The following SLC39A11 variants were observed in gnomAD, a reference collection of about 807,000 sequenced individuals.
SLC39A11 encodes solute carrier family 39 member 11.
SLC39A11 carries 33 observed loss-of-function variants against 36.1 expected under a neutral mutation model. The observed-to-expected ratio is 0.91, with a 90% CI of 0.69 to 1.22. The LOEUF is 1.22. SLC39A11 is among the 50% of genes most tolerant of loss of function. The pLI is 0.00. For missense variants in SLC39A11, 432 were observed against 430.3 expected (o/e 1.00, Z -0.03); for synonymous variants, 166 against 170.3 (o/e 0.97, Z 0.20).
rs948417696 is a variant in SLC39A11, at chr17:73,069,962, T to A, written c.147+14846A>T. ...AAATATCTTTGGGAACAATCTCTAC[T>A]CCTACCATCTGTCTGGATTCAATGA... On this transcript the variant is annotated intron_variant, in intron 3 of 9. Coordinates refer to ENST00000255559, the MANE Select transcript of SLC39A11 (RefSeq NM_139177.4). Among the ~76,000 whole-genome samples, 7 of 152,320 alleles carry A rather than the reference T, an allele frequency of 4.6e-5. No homozygotes were observed. The East Asian group carries it at 1.2e-3, about 25-fold the overall frequency.
intron 5 of SLC39A11, among the ~76,000 whole-genome samples, chr17:72,930,046 A>G (rs575178836): frequency 6.6e-6 from 1 of 152,338 alleles, no homozygotes; most frequent in East Asian, 1.9e-4. Context: ...GACTTTTAAA[A>G]TACAGTTTCT....
At chr17:72,649,666 G>C (rs995136144) in intron 7 of SLC39A11, among the ~76,000 whole-genome samples, 1 of 144,316 alleles carries the variant, frequency 6.9e-6, no homozygotes, top group African/African-American at 2.6e-5. Flanking sequence ...TTTTGAGATG[G>C]AGTCTCGCTC....
At chr17:72,701,240 G>C (rs2072602012) in intron 7 of SLC39A11, among the ~76,000 whole-genome samples, 3 of 152,240 alleles carry the variant, frequency 2.0e-5, no homozygotes, top group Admixed American at 2.0e-4. Context: ...CCTGAAGAGA[G>C]GGAGGTGTGG....
intron 6 of SLC39A11, among the ~76,000 whole-genome samples, chr17:72,803,086 C>G (rs112665452): frequency 8.1e-4 from 123 of 152,332 alleles, no homozygotes; most frequent in African/African-American, 2.8e-3. Flanking sequence ...AATACAAAGA[C>G]GGGATTTGGT....
chr17:72,861,775 T>C (rs1281298897), intron 5 of SLC39A11, among the ~76,000 whole-genome samples: 1 of 101,936 alleles, frequency 9.8e-6, no homozygotes, highest in Non-Finnish European at 2.0e-5. Context: ...TATATATATA[T>C]ATATATATCC....
At chr17:72,736,773 A>ACAT in intron 6 of SLC39A11, 54 bp from the exon 7 acceptor site, 1 of 1,378,282 alleles carries the variant, frequency 7.3e-7, no homozygotes, top group East Asian at 2.3e-5. Context: ...CCCATAAGGA[A>ACAT]CATCACCATC....
At chr17:72,974,953 C>T (rs2087736110) in intron 4 of SLC39A11, among the ~76,000 whole-genome samples, 1 of 152,204 alleles carries the variant, frequency 6.6e-6, no homozygotes, top group Admixed American at 6.5e-5. Context: ...AGGTTTGTAG[C>T]CTCGGAGCAA....
Position 72,843,291 on chromosome 17 carries a change from C to T in SLC39A11, c.601+6343G>A, listed in dbSNP as rs1394260048. Among the ~76,000 whole-genome samples the T allele has an allele frequency of 2.0e-5, 3 of 152,054 alleles. No homozygotes were observed. The East Asian group carries it at 5.8e-4, about 29-fold the overall frequency. On this transcript the variant is annotated intron_variant, in intron 6 of 9. Transcript: ENST00000255559. ...CTGTTCTAGGGTTGTGGATAGACTCCATAAAGTCTAAACACCCAGAATTGT... is the reference window on the plus strand; with the variant it reads ...CTGTTCTAGGGTTGTGGATAGACTCTATAAAGTCTAAACACCCAGAATTGT...
chr17:72,742,218 C>T (rs1320504004), intron 6 of SLC39A11, among the ~76,000 whole-genome samples: 1 of 151,220 alleles, frequency 6.6e-6, no homozygotes, highest in African/African-American at 2.4e-5. Flanking sequence ...AAAAGAGTAT[C>T]CTACGTGAGG....
intron 5 of SLC39A11, among the ~76,000 whole-genome samples, chr17:72,891,352 T>C (rs1203923122): frequency 1.3e-5 from 2 of 151,872 alleles, no homozygotes; most frequent in African/African-American, 4.8e-5. Flanking sequence ...ACCCGGGAGG[T>C]GATTTGGACT....
intron 6 of SLC39A11, among the ~76,000 whole-genome samples, chr17:72,748,877 TGAA>T (rs1474082381): frequency 6.6e-6 from 1 of 152,094 alleles, no homozygotes; most frequent in Non-Finnish European, 1.5e-5. Context: ...GCCCTGAATC[TGAA>T]GAAGTATATC....
At chr17:72,811,611 G>T (rs548374906) in intron 6 of SLC39A11, among the ~76,000 whole-genome samples, 21 of 152,280 alleles carry the variant, frequency 1.4e-4, no homozygotes, top group Non-Finnish European at 2.2e-4. Flanking sequence ...TCAGTGGTGT[G>T]CTCTTTGAGG....
At chr17:72,995,854 C>A (rs1460291043) in intron 4 of SLC39A11, among the ~76,000 whole-genome samples, 2 of 152,150 alleles carry the variant, frequency 1.3e-5, no homozygotes, top group African/African-American at 2.4e-5. Context: ...AATAAATCCT[C>A]CCCCCGCCCA....
intron 3 of SLC39A11, among the ~76,000 whole-genome samples, chr17:73,060,672 CT>C (rs34338872): frequency 0.11 from 16,766 of 152,096 alleles, 1,093 homozygotes; most frequent in Non-Finnish European, 0.15. Context: ...ACGAATTAGG[CT>C]TATTTAGTAT....
chr17:72,745,469 G>A lies in SLC39A11; in HGVS notation c.602-8750C>T, dbSNP rs150056710. 6.1e-3 allele frequency among the ~76,000 whole-genome samples: 933 copies of A among 152,274 alleles called. 11 individuals are homozygous for A. Among genetic ancestry groups the A allele is most frequent in the African/African-American group, 0.02 (826 of 41,558 alleles). ...CCAGGGCTGTCATTCCCCTTGTTCT[G>A]GACTTGACCCAGACCTCATGGAAGC... On this transcript the variant is annotated intron_variant, in intron 6 of 9. Transcript: ENST00000255559.
chr17:72,731,448 T>C (rs1339594094), intron 7 of SLC39A11, among the ~76,000 whole-genome samples: 1 of 152,196 alleles, frequency 6.6e-6, no homozygotes, highest in African/African-American at 2.4e-5. Flanking sequence ...GCGGCTTTCC[T>C]CCTTGGTGTC....
intron 7 of SLC39A11, among the ~76,000 whole-genome samples, chr17:72,674,983 CGT>C (rs2071190557): frequency 1.3e-5 from 1 of 74,848 alleles, no homozygotes; most frequent in Non-Finnish European, 2.9e-5. Context: ...AGTGTGTGTG[CGT>C]ATGTGTGTGT....
At chr17:73,043,457 C>T (rs1329063846) in intron 3 of SLC39A11, among the ~76,000 whole-genome samples, 1 of 152,154 alleles carries the variant, frequency 6.6e-6, no homozygotes, top group Non-Finnish European at 1.5e-5. Context: ...CCTACAGAAA[C>T]AGATTTGCCA....
At chr17:72,789,441 C>T (rs187666467) in intron 6 of SLC39A11, among the ~76,000 whole-genome samples, 1 of 152,256 alleles carries the variant, frequency 6.6e-6, no homozygotes, top group Non-Finnish European at 1.5e-5. Context: ...CTTGTTAGGG[C>T]AAAGGGCACA....
Sources: gnomAD v4.1 joint callset for allele counts (sites outside exome capture counted in the v4.1 genomes callset) on GRCh38, gnomAD v4.1.1 for gene constraint, MANE v1.5 for transcripts, NCBI Gene and HGNC (gene_info 2026-07-23, HGNC 2026-07-21) for gene names.